The following PLXNA4 variants were observed in gnomAD, a reference collection of about 807,000 sequenced individuals.
PLXNA4 encodes the protein plexin-A4.
Under a neutral mutation model 191.8 loss-of-function variants are expected in PLXNA4, and 44 were observed. The ratio of observed to expected loss-of-function variants is 0.23; its 90% CI spans 0.18 to 0.29. The LOEUF (loss-of-function observed/expected upper bound fraction) is 0.29, where lower values mean the gene tolerates loss of function less well. Among genes scored for constraint, PLXNA4 ranks in the 10% least tolerant of loss-of-function variants. The pLI is 1.00. For missense variants in PLXNA4, 1,800 were observed against 2,488.8 expected, an observed-to-expected ratio of 0.72 and a Z score of 5.89; for synonymous variants, 1,082 against 1,009.5, an observed-to-expected ratio of 1.07 and a Z score of -1.36.
At chr7:132,383,813 T>G (rs1028051639) in intron 3 of PLXNA4, 1 of 985,352 alleles carries the variant, frequency 1.0e-6, no homozygotes, top group African/African-American at 1.7e-5. Flanking sequence ...TTCAAGTTTC[T>G]TCCTAAATAT....
intron 2 of PLXNA4, among the ~76,000 whole-genome samples, chr7:132,500,430 T>C (rs1255480497): frequency 7.0e-6 from 1 of 142,806 alleles, no homozygotes; most frequent in Non-Finnish European, 1.5e-5. Flanking sequence ...GCAACAAGAG[T>C]GAAACACTGT....
chr7:132,147,303 T>C (rs1006436158), intron 27 of PLXNA4, among the ~76,000 whole-genome samples: 6 of 152,212 alleles, frequency 3.9e-5, no homozygotes, highest in African/African-American at 1.4e-4. Context: ...CTATTGATTA[T>C]CTAGAATGAT....
Position 132,202,847 on chromosome 7 carries a change from G to C in PLXNA4, c.2396-11C>G, listed in dbSNP as rs199885735. 3.5e-5 allele frequency: 55 copies of C among 1,549,532 alleles called. No homozygotes were observed. In the East Asian group the frequency reaches 1.2e-3, roughly 35 times the overall value. The stretch of plus-strand genomic sequence containing the variant: ...ACTTGTAGAGGTGAACTGCAGAGGG[G>C]AAGGGCAAGGACAAGGGGTGCTTGG... On this transcript the variant is annotated splice_polypyrimidine_tract_variant and intron_variant, in intron 11 of 31. Coordinates refer to ENST00000321063, the MANE Select transcript of PLXNA4 (RefSeq NM_020911.2).
rs746393383 is a variant in PLXNA4 at position 132,140,880 on chromosome 7, G to C, written c.5226-69C>G. 117 of 1,578,694 alleles carry C rather than the reference G, an allele frequency of 7.4e-5. 1 individual carries two copies. The highest frequency in any genetic ancestry group is 2.0e-4 in the South Asian group (17 of 85,438). ...TGGGGCTGTGGTGTGGGTAGGAGGG[G>C]TCTCTGGAGAAGGAGAGAAGCCTGG... is the stretch of plus-strand genomic sequence containing the variant. On this transcript the variant is annotated intron_variant, in intron 29 of 31. Coordinates refer to ENST00000321063, the MANE Select transcript of PLXNA4 (RefSeq NM_020911.2).
At position 132,628,874 on chromosome 7, in the gene PLXNA4, C is replaced by T. The variant is rs145785052; in HGVS notation, c.-87+17054G>A. Among the ~76,000 whole-genome samples the T allele has an allele frequency of 7.6e-4, 115 of 152,316 alleles. 2 individuals carry two copies. The East Asian group carries it at 0.017, about 23-fold the overall frequency. Reference sequence around the variant, plus strand: ...TATTTTTTGTTTTCCTTCTACACTACGCCTTGCATTCATTTCTTCTGAGTT... The same window carrying T: ...TATTTTTTGTTTTCCTTCTACACTATGCCTTGCATTCATTTCTTCTGAGTT... On this transcript the variant is annotated intron_variant, in intron 2 of 4. Transcript: ENST00000378539.
chr7:132,153,412 G>A (rs75856704), intron 25 of PLXNA4, among the ~76,000 whole-genome samples: 2,733 of 152,228 alleles, frequency 0.018, 32 homozygotes, highest in East Asian at 0.045. Flanking sequence ...GAGGGGCAAA[G>A]AGGCATGAGC....
intron 3 of PLXNA4, among the ~76,000 whole-genome samples, chr7:132,323,882 C>T (rs946397389): frequency 6.6e-6 from 1 of 152,186 alleles, no homozygotes; most frequent in African/African-American, 2.4e-5. Flanking sequence ...GTGAGGGCCT[C>T]ATATCTCTGT....
At chr7:132,189,056 G>GAGAGAGAGAGAGAA (rs1797007085) in intron 14 of PLXNA4, among the ~76,000 whole-genome samples, 3 of 102,434 alleles carry the variant, frequency 2.9e-5, no homozygotes, top group African/African-American at 5.5e-5. Context: ...GAGAGAGAGA[G>GAGAGAGAGAGAGAA]AGAGAGAGAG....
intron 21 of PLXNA4, among the ~76,000 whole-genome samples, chr7:132,170,732 C>A (rs181849388): frequency 2.6e-5 from 4 of 152,342 alleles, no homozygotes; most frequent in Non-Finnish European, 2.9e-5. Flanking sequence ...CAGCCCTGCA[C>A]CTTGCACAGA....
At chr7:132,142,106 A>G (rs1795287586) in intron 29 of PLXNA4, among the ~76,000 whole-genome samples, 1 of 152,178 alleles carries the variant, frequency 6.6e-6, no homozygotes, top group Non-Finnish European at 1.5e-5. Flanking sequence ...CTGCATTAAC[A>G]AAGACAAAGA....
rs376983032 is a variant in PLXNA4 at position 132,202,876 on chromosome 7, T to A, written c.2396-40A>T. ...GGCAAGGACAAGGGGTGCTTGGGAA[T>A]GGCAGTGGGGACAGAAGGGGCCCAG... is the stretch of plus-strand genomic sequence containing the variant. On this transcript the variant is annotated intron_variant, in intron 11 of 31. Coordinates refer to ENST00000321063, the MANE Select transcript of PLXNA4 (RefSeq NM_020911.2). The A allele has an allele frequency of 6.1e-5, 90 of 1,487,414 alleles. 2 individuals carry two copies. The South Asian group carries it at 1.1e-3, about 18-fold the overall frequency. The allele number at this position is 1,487,414 out of a possible 1,614,324, so 92.1% of individuals were successfully genotyped here.
At chr7:132,190,294 A>C (rs950682570) in intron 14 of PLXNA4, among the ~76,000 whole-genome samples, 4 of 152,240 alleles carry the variant, frequency 2.6e-5, no homozygotes, top group African/African-American at 9.6e-5. Flanking sequence ...CAGGGTAGGA[A>C]CAATCACACA....
chr7:132,495,136 G>A (rs1422655392), intron 2 of PLXNA4, among the ~76,000 whole-genome samples: 1 of 152,110 alleles, frequency 6.6e-6, no homozygotes, highest in Non-Finnish European at 1.5e-5. Flanking sequence ...ATCCTCCCCT[G>A]ACCCCAGCCT....
intron 3 of PLXNA4, among the ~76,000 whole-genome samples, chr7:132,396,515 C>T (rs937874609): frequency 2.0e-5 from 3 of 152,064 alleles, no homozygotes; most frequent in African/African-American, 7.2e-5. Context: ...GTTTTTGAGA[C>T]AGTCAACCCC....
At chr7:132,580,468 G>T (rs1020698383), upstream of PLXNA4, among the ~76,000 whole-genome samples, 8 of 152,158 alleles carry the variant, frequency 5.3e-5, no homozygotes, top group African/African-American at 1.9e-4. Context: ...CGTGAAACTG[G>T]TTATGTCATT....
intron 21 of PLXNA4, among the ~76,000 whole-genome samples, chr7:132,169,132 G>T (rs1338474220): frequency 6.6e-6 from 1 of 152,176 alleles, no homozygotes; most frequent in East Asian, 1.9e-4. Flanking sequence ...TTCTCTGGGG[G>T]CCCAAGTTTA....
intron 3 of PLXNA4, among the ~76,000 whole-genome samples, chr7:132,392,650 C>A (rs1018469601): frequency 1.3e-5 from 2 of 152,236 alleles, no homozygotes; most frequent in African/African-American, 4.8e-5. Context: ...CTGAGCATCG[C>A]GCATTGCTGT....
intron 5 of PLXNA4, among the ~76,000 whole-genome samples, chr7:132,230,115 G>A (rs1269658086): frequency 6.6e-6 from 1 of 152,138 alleles, no homozygotes; most frequent in African/African-American, 2.4e-5. Context: ...ATGGCTGCGA[G>A]GTACAAGTGC....
intron 3 of PLXNA4, among the ~76,000 whole-genome samples, chr7:132,469,134 A>G (rs1796827975): frequency 6.7e-6 from 1 of 150,314 alleles, no homozygotes; most frequent in African/African-American, 2.4e-5. Context: ...AAAAAAAAAA[A>G]AAAAAGAAAG....
Sources: allele counts gnomAD v4.1 joint callset (sites outside exome capture counted in the v4.1 genomes callset), GRCh38; gene constraint gnomAD v4.1.1; transcripts MANE v1.5; gene names NCBI Gene and HGNC (gene_info 2026-07-23, HGNC 2026-07-21).